The following PATJ variants were observed in gnomAD, a reference collection of about 807,000 sequenced individuals.
The protein encoded by PATJ is inaD-like protein.
In PATJ, 190 loss-of-function variants were observed where a neutral mutation model predicts 224.9. That is an observed-to-expected ratio of 0.84 (90% confidence interval 0.75 to 0.95). PATJ has a LOEUF of 0.95. Among genes scored for constraint, PATJ ranks in the 40% least tolerant of loss-of-function variants. The pLI, the probability that PATJ is intolerant of heterozygous loss-of-function variation, is 0.00. For synonymous variants in PATJ, 769 were observed against 820.3 expected, an observed-to-expected ratio of 0.94 and a Z score of 1.07; for missense variants, 2,121 against 2,270.3, an observed-to-expected ratio of 0.93 and a Z score of 1.34.
At chr1:61,954,055 A>T (rs3737108) in intron 27 of PATJ, among the ~76,000 whole-genome samples, 73,248 of 151,972 alleles carry the variant, frequency 0.48, 18,109 homozygotes, top group East Asian at 0.81. Flanking sequence ...TAACTATCAA[A>T]GTGTCTCATA....
At chr1:61,854,002 G>A (rs888304939) in intron 17 of PATJ, among the ~76,000 whole-genome samples, 43 of 152,288 alleles carry the variant, frequency 2.8e-4, no homozygotes, top group Middle Eastern at 6.8e-3. Flanking sequence ...CAAGGAATTA[G>A]CTGTGTAGCC....
chr1:61,930,976 T>G (rs1675948726), intron 27 of PATJ, among the ~76,000 whole-genome samples: 1 of 152,172 alleles, frequency 6.6e-6, no homozygotes, highest in Non-Finnish European at 1.5e-5. Flanking sequence ...GTGCTGGGAT[T>G]ATGGGCATGA....
intron 32 of PATJ, among the ~76,000 whole-genome samples, chr1:62,083,600 A>T (rs1219988629): frequency 6.6e-6 from 1 of 152,256 alleles, no homozygotes; most frequent in Admixed American, 6.5e-5. Flanking sequence ...CTTTGTAAAA[A>T]AGCAATAACT....
intron 17 of PATJ, among the ~76,000 whole-genome samples, chr1:61,840,489 C>A (rs1446461653): frequency 6.6e-6 from 1 of 151,762 alleles, no homozygotes. Context: ...AGTAATAGTA[C>A]TTATTTAATT....
intron 17 of PATJ, among the ~76,000 whole-genome samples, chr1:61,855,356 A>G (rs1663485432): frequency 6.6e-6 from 1 of 152,170 alleles, no homozygotes; most frequent in East Asian, 1.9e-4. Flanking sequence ...TGAAATTGTT[A>G]AGATTATATT....
intron 28 of PATJ, among the ~76,000 whole-genome samples, chr1:61,996,190 G>A (rs1187532550): frequency 1.3e-5 from 2 of 152,066 alleles, no homozygotes; most frequent in African/African-American, 2.4e-5. Flanking sequence ...TATTTTTCAG[G>A]GATAAAGACA....
intron 27 of PATJ, among the ~76,000 whole-genome samples, chr1:61,935,018 C>T (rs2149318693): frequency 6.6e-6 from 1 of 152,312 alleles, no homozygotes; most frequent in East Asian, 1.9e-4. Flanking sequence ...CCCAGAAATC[C>T]CTGCTTTGAT....
At chr1:62,099,191 G>T (rs1380866321) in intron 33 of PATJ, among the ~76,000 whole-genome samples, 1 of 152,022 alleles carries the variant, frequency 6.6e-6, no homozygotes, top group Non-Finnish European at 1.5e-5. Context: ...AGAAGACATG[G>T]CTGTCTTTAT....
intron 41 of PATJ, among the ~76,000 whole-genome samples, chr1:62,138,019 T>C (rs72677969): frequency 0.034 from 5,234 of 152,090 alleles, 108 homozygotes; most frequent in Non-Finnish European, 0.047. Flanking sequence ...CCTCTTTGGG[T>C]TGGGAGAGTT....
intron 22 of PATJ, among the ~76,000 whole-genome samples, chr1:61,888,746 G>A (rs1557826443): frequency 6.6e-6 from 1 of 152,170 alleles, no homozygotes; most frequent in Non-Finnish European, 1.5e-5. Flanking sequence ...AGAGAAAGTG[G>A]AGCATCAGTT....
At chr1:61,955,182 GA>G (rs1310141476) in intron 27 of PATJ, among the ~76,000 whole-genome samples, 1 of 152,072 alleles carries the variant, frequency 6.6e-6, no homozygotes, top group Non-Finnish European at 1.5e-5. Context: ...AGAATGCTTG[GA>G]GGGGTTTATC....
chr1:61,826,698 G>T (rs1658331396), intron 15 of PATJ, among the ~76,000 whole-genome samples: 1 of 152,070 alleles, frequency 6.6e-6, no homozygotes, highest in South Asian at 2.1e-4. Flanking sequence ...CATTAATAAA[G>T]AATACTTTTT....
At chr1:61,883,488 G>A (rs1047347469) in intron 21 of PATJ, among the ~76,000 whole-genome samples, 2 of 152,066 alleles carry the variant, frequency 1.3e-5, no homozygotes, top group African/African-American at 2.4e-5. Flanking sequence ...GGCAGCTCAC[G>A]CCTGTAATCT....
chr1:61,806,479 C>T (rs954131370), intron 13 of PATJ, among the ~76,000 whole-genome samples: 1 of 151,918 alleles, frequency 6.6e-6, no homozygotes. Context: ...ATTAGCCGGG[C>T]GTGGTGGCGG....
chr1:61,967,935 C>A (rs978534805), intron 27 of PATJ, among the ~76,000 whole-genome samples: 1 of 151,992 alleles, frequency 6.6e-6, no homozygotes, highest in East Asian at 1.9e-4. Flanking sequence ...CTTTCAGAGT[C>A]TAAAGATGAG....
rs1415310948 is a variant in PATJ at position 61,978,216 on chromosome 1, CCTTCCTT to C, written c.3671-11950_3671-11944del. On this transcript the variant is annotated intron_variant, in intron 27 of 43. Transcript: ENST00000642238. ...TCATATCTTCCTTCCTTCCTTCCTTCCTTCCTTCCTCCCTCCCTCCCTCCCTCCCTCC... is the reference window on the plus strand; with the variant it reads ...TCATATCTTCCTTCCTTCCTTCCTTCCCTCCCTCCCTCCCTCCCTCCCTCC... Among the ~76,000 whole-genome samples, 4 of 141,948 alleles carry C rather than the reference CCTTCCTT, an allele frequency of 2.8e-5. No individual in the cohort carries two copies. The East Asian group carries it at 6.1e-4, about 22-fold the overall frequency. 93.1% of individuals were successfully genotyped at this position (141,948 alleles called of 152,430 possible).
chr1:61,963,544 T>C (rs2482888), intron 27 of PATJ, among the ~76,000 whole-genome samples: 130,899 of 151,986 alleles, frequency 0.86, 56,409 homozygotes, highest in Admixed American at 0.9. Flanking sequence ...TGCAGTGAGC[T>C]GAGATTGCGC....
chr1:61,801,709 G>A lies in PATJ; in HGVS notation c.1489G>A (p.Glu497Lys), dbSNP rs746249097. Residue 497 changes from glutamate (E) to lysine (K), a missense_variant, in exon 12 of 44, where the codon GAA becomes AAA. Coordinates refer to ENST00000642238, the MANE Select transcript of PATJ (RefSeq NM_001350145.3). ...AACTAATGTGGATGGTGAAGATGAG[G>A]AAATTAAAGAAAGAATTGATACTTT... The part of the protein sequence containing the change: ...TETNVDGEDE[E>K]IKERIDTLKN... 6.3e-7 allele frequency: 1 copy of A among 1,599,182 alleles called. No individual in the cohort carries two copies. Among genetic ancestry groups the A allele is most frequent in the South Asian group, 1.1e-5 (1 of 89,098 alleles).
At chr1:61,955,787 C>A (rs1392628765) in intron 27 of PATJ, among the ~76,000 whole-genome samples, 2 of 152,252 alleles carry the variant, frequency 1.3e-5, no homozygotes, top group African/African-American at 4.8e-5. Context: ...GACTACAAAG[C>A]CTGTACTTTT....
Sources: allele counts gnomAD v4.1 joint callset (sites outside exome capture counted in the v4.1 genomes callset), GRCh38; gene constraint gnomAD v4.1.1; transcripts MANE v1.5; gene names NCBI Gene and HGNC (gene_info 2026-07-23, HGNC 2026-07-21).